MSL3: variants seen among roughly 807,000 people sequenced by gnomAD.
MSL3 encodes MSL complex subunit 3.
MSL3 carries 5 observed loss-of-function variants against 37.2 expected under a neutral mutation model. The ratio of observed to expected loss-of-function variants is 0.13; its 90% CI spans 0.07 to 0.28. MSL3 has a LOEUF of 0.28. Ranked by LOEUF, MSL3 falls within the 10% of genes least tolerant of loss-of-function variation. MSL3 has a pLI of 1.00. For missense variants in MSL3, 315 were observed against 408.5 expected (o/e 0.77, Z 1.97); for synonymous variants, 149 against 147.6 (o/e 1.01, Z -0.07).
chrX:11,760,550 G>A lies in MSL3; in HGVS notation c.281+52G>A, dbSNP rs756250939. On this transcript the variant is annotated intron_variant, in intron 3 of 12. Transcript: ENST00000312196. The stretch of plus-strand genomic sequence containing the variant: ...ATGTTATCCAATGTGTTTTCTCTTA[G>A]TGTTTTAGATTTTTATGATATAAAA... 6.6e-6 allele frequency: 6 copies of A among 912,164 alleles called. No individual in the cohort carries two copies. The African/African-American group carries it at 8.0e-5, about 12-fold the overall frequency. 75.2% of individuals were successfully genotyped at this position (912,164 alleles called of 1,213,427 possible).
At chrX:11,766,654 C>A (rs56355328) in intron 9 of MSL3, 7 of 753,052 alleles carry the variant, frequency 9.3e-6, no homozygotes, top group Non-Finnish European at 1.1e-5. Flanking sequence ...CCTGGTGCCT[C>A]GCGGGCTCAG....
intron 10 of MSL3, among the ~76,000 whole-genome samples, chrX:11,771,829 C>T (rs1371849561): frequency 8.9e-6 from 1 of 112,343 alleles, no homozygotes; most frequent in African/African-American, 3.2e-5. Context: ...GATCCACACA[C>T]CTCGGCCTCC....
chrX:11,775,063 C>T lies in MSL3; in HGVS notation c.1550C>T (p.Pro517Leu), dbSNP rs1192308531. Residue 517 changes from proline (P) to leucine (L), a missense_variant, in exon 13 of 13, where the codon CCC becomes CTC. Pro to Leu is a moderately conservative substitution (Grantham distance 98, BLOSUM62 -3). Coordinates refer to ENST00000312196, the MANE Select transcript of MSL3 (RefSeq NM_078629.4). The stretch of plus-strand genomic sequence containing the variant: ...GAGGCACATTACAGCACCAAGAACC[C>T]CCGGGCAATTTATTAAAATGTTGTT... ...ACEAHYSTKNPRAIY is the reference protein window; with the variant it reads ...ACEAHYSTKNLRAIY The T allele has an allele frequency of 2.5e-6, 3 of 1,202,958 alleles. No homozygotes were observed. The highest frequency in any genetic ancestry group is 3.4e-6 in the Non-Finnish European group (3 of 888,230).
At chrX:11,768,875 C>T (rs1196280016) in intron 10 of MSL3, 193 bp downstream of exon 10, 7 of 380,244 alleles carry the variant, frequency 1.8e-5, no homozygotes, top group Non-Finnish European at 9.1e-6. Flanking sequence ...GGATTCCAGC[C>T]CTACACTGAC....
chrX:11,758,281 C>A lies in MSL3; in HGVS notation c.18C>A (p.Gly6=). MSASE[G]MKFKFHSGEK... ...ATGAGCAAATGAGCGCGAGCGAGGG[C>A]ATGAAATTTAAATTCCACTCAGGGG... Residue 6 remains glycine (G), a synonymous_variant, in exon 1 of 13, where the codon GGC becomes GGA. Transcript: ENST00000312196. The A allele has an allele frequency of 1.9e-6, 2 of 1,054,813 alleles. No individual in the cohort carries two copies. The highest frequency in any genetic ancestry group is 2.5e-6 in the Non-Finnish European group (2 of 805,987). The allele number at this position is 1,054,813 out of a possible 1,213,427, so 86.9% of individuals were successfully genotyped here. A position where few individuals can be genotyped will look rare whatever the true frequency, so the allele number is the denominator to read the frequency against.
At chrX:11,767,813 CTA>C (rs1223282974) in intron 9 of MSL3, 13 of 660,585 alleles carry the variant, frequency 2.0e-5, no homozygotes, top group African/African-American at 4.8e-5. Context: ...CTATTTGTCT[CTA>C]TAGATTTGCC....
At chrX:11,764,580 TGA>T (rs1384038252) in intron 8 of MSL3, among the ~76,000 whole-genome samples, 20 of 111,536 alleles carry the variant, frequency 1.8e-4, no homozygotes, top group Admixed American at 1.7e-3. Context: ...CCTCTCTTCC[TGA>T]GAGAGTGGTC....
intron 8 of MSL3, among the ~76,000 whole-genome samples, chrX:11,765,083 A>G (rs1360999331): frequency 8.9e-6 from 1 of 112,510 alleles, no homozygotes; most frequent in African/African-American, 3.2e-5. Flanking sequence ...GGCCCTATTG[A>G]TGTTTTGAAT....
At chrX:11,758,640 G>A in intron 1 of MSL3, 2 of 1,158,079 alleles carry the variant, frequency 1.7e-6, no homozygotes, top group East Asian at 6.6e-5. Flanking sequence ...TACCGTTTGC[G>A]CCCCCGACTG....
rs777407101 is a variant in MSL3, at chrX:11,762,871, C to T, written c.623C>T (p.Thr208Met). 7 of 1,207,875 alleles carry T rather than the reference C, an allele frequency of 5.8e-6. No individual in the cohort carries two copies. The highest frequency in any genetic ancestry group is 1.8e-5 in the South Asian group (1 of 56,335). Residue 208 changes from threonine (T) to methionine (M), a missense_variant, in exon 7 of 13, where the codon ACG becomes ATG. Physicochemically the swap from Thr to Met is moderately conservative, Grantham distance 81 (BLOSUM62 -1). Coordinates refer to ENST00000312196, the MANE Select transcript of MSL3 (RefSeq NM_078629.4). ...CTTCCATGCCAGACCAACATCATAA[C>T]GATTTTGGAATCCTATGTGAAGCAT... ...VKLPCQTNII[T>M]ILESYVKHFA...
intron 12 of MSL3, among the ~76,000 whole-genome samples, chrX:11,773,771 A>G (rs1396060878): frequency 8.9e-6 from 1 of 112,404 alleles, no homozygotes; most frequent in Non-Finnish European, 1.9e-5. Flanking sequence ...TTAGGAAGTA[A>G]CTTAGGAGGA....
chrX:11,768,884 A>T, intron 10 of MSL3: 2 of 374,575 alleles, frequency 5.3e-6, no homozygotes, highest in Non-Finnish European at 4.6e-6. Flanking sequence ...CCCTACACTG[A>T]CAATCATCTT....
rs1295225918 is a variant in MSL3 at position 11,759,953 on chromosome X, A to G, written c.185+78A>G. 3.7e-6 allele frequency: 4 copies of G among 1,081,366 alleles called. No homozygotes were observed. The East Asian group carries it at 1.2e-4, about 33-fold the overall frequency. The allele number at this position is 1,081,366 out of a possible 1,213,427, so 89.1% of individuals were successfully genotyped here. A position where few individuals can be genotyped will look rare whatever the true frequency, so the allele number is the denominator to read the frequency against. On this transcript the variant is annotated intron_variant, in intron 2 of 12. Coordinates refer to ENST00000312196, the MANE Select transcript of MSL3 (RefSeq NM_078629.4). ...AACATTGCAGACTTAAGTTTCAGAA[A>G]CACTTGTAGAGAAGTTTGTTTCATT...
intron 12 of MSL3, among the ~76,000 whole-genome samples, chrX:11,773,746 ATAGAAAT>A (rs2053250255): frequency 8.9e-6 from 1 of 112,514 alleles, no homozygotes; most frequent in South Asian, 3.6e-4. Context: ...CTAATACAAA[ATAGAAAT>A]TAGAATTTTA....
In MSL3 at chrX:11,772,201, C is replaced by A; in HGVS notation, c.1327C>A (p.Gln443Lys). Reference protein sequence around the residue: ...LVPDNYPPGDQPPPPSYIYGA... With the variant: ...LVPDNYPPGDKPPPPSYIYGA... ...GCCTGACAATTACCCCCCAGGTGAC[C>A]AGCCGCCTCCACCCTCTTACATTTA... is the stretch of plus-strand genomic sequence containing the variant. Residue 443 changes from glutamine (Q) to lysine (K), a missense_variant, in exon 11 of 13, where the codon CAG (glutamine) becomes AAG (lysine). Physicochemically the swap from Gln to Lys is moderately conservative, Grantham distance 53 (BLOSUM62 1). Coordinates refer to ENST00000312196, the MANE Select transcript of MSL3 (RefSeq NM_078629.4). 2 of 1,210,505 alleles carry A rather than the reference C, an allele frequency of 1.7e-6. No individual in the cohort carries two copies. The highest frequency in any genetic ancestry group is 2.2e-6 in the Non-Finnish European group (2 of 894,686).
At chrX:11,769,433 T>G (rs2053212917) in intron 10 of MSL3, among the ~76,000 whole-genome samples, 1 of 112,282 alleles carries the variant, frequency 8.9e-6, no homozygotes, top group African/African-American at 3.2e-5. Flanking sequence ...TTAAAACTAT[T>G]TTTAAGGCCC....
chrX:11,764,239 G>C (rs959098669), intron 8 of MSL3: 8 of 184,645 alleles, frequency 4.3e-5, no homozygotes, highest in African/African-American at 6.0e-5. Flanking sequence ...AGCACAGGCC[G>C]GGGAGGGTGG....
In MSL3 at chrX:11,758,310, A is replaced by C. The variant is rs1431382307; in HGVS notation, c.47A>C (p.Lys16Thr). 1.8e-6 allele frequency: 2 copies of C among 1,133,477 alleles called. No homozygotes were observed. Among genetic ancestry groups the C allele is most frequent in the Non-Finnish European group, 1.2e-6 (1 of 853,474 alleles). 93.4% of individuals were successfully genotyped at this position (1,133,477 alleles called of 1,213,427 possible). Residue 16 changes from lysine (K) to threonine (T), a missense_variant, in exon 1 of 13, where the codon AAA becomes ACA. Lys to Thr is a moderately conservative substitution (Grantham distance 78). Coordinates refer to ENST00000312196, the MANE Select transcript of MSL3 (RefSeq NM_078629.4). ...AAATTTAAATTCCACTCAGGGGAGAAAGTGCTGTGCTTCGAGCCTGACCCC... is the reference window on the plus strand; with the variant it reads ...AAATTTAAATTCCACTCAGGGGAGACAGTGCTGTGCTTCGAGCCTGACCCC... ...GMKFKFHSGE[K>T]VLCFEPDPTK...
chrX:11,763,822 C>T lies in MSL3; in HGVS notation c.792C>T (p.Thr264=), dbSNP rs1014113844. Residue 264 remains threonine (T), a synonymous_variant, in exon 8 of 13, where the codon ACC becomes ACT. Coordinates refer to ENST00000312196, the MANE Select transcript of MSL3 (RefSeq NM_078629.4). The part of the protein sequence containing the change: ...CKEMVDGLRI[T]FDYTLPLVLL... The stretch of plus-strand genomic sequence containing the variant: ...AGATGGTGGATGGATTAAGAATAAC[C>T]TTTGATTACACTCTCCCGTTGGTTT... 19 of 1,204,486 alleles carry T rather than the reference C, an allele frequency of 1.6e-5. No individual in the cohort carries two copies. The highest frequency in any genetic ancestry group is 9.0e-6 in the Non-Finnish European group (8 of 890,815).
Sources: allele counts gnomAD v4.1 joint callset (sites outside exome capture counted in the v4.1 genomes callset), GRCh38; gene constraint gnomAD v4.1.1; transcripts MANE v1.5; gene names NCBI Gene and HGNC (gene_info 2026-07-23, HGNC 2026-07-21).